The following ASGR2 variants were observed in gnomAD, a reference collection of about 807,000 sequenced individuals.
The protein encoded by ASGR2 is C-type lectin domain family 4 member H2.
A neutral mutation model predicts 32.3 loss-of-function variants in ASGR2; 34 were observed. That is an observed-to-expected ratio of 1.05 (90% CI 0.80 to 1.40). The LOEUF (loss-of-function observed/expected upper bound fraction) is 1.40, where lower values mean the gene tolerates loss of function less well. Among genes scored for constraint, ASGR2 ranks in the 40% most tolerant of loss-of-function variants. The pLI is 0.00. For synonymous variants in ASGR2, 143 were observed against 150.0 expected (o/e 0.95, Z 0.34); for missense variants, 385 against 386.4 (o/e 1.00, Z 0.03).
intron 2 of ASGR2, 119 bp from the exon 3 acceptor site, chr17:7,109,007 G>GC (rs1914274466): frequency 1.1e-6 from 1 of 932,838 alleles, no homozygotes; most frequent in Admixed American, 2.4e-5. Context: ...GGGCCATGGG[G>GC]GGGGGTCATC....
chr17:7,103,558 C>G (rs1002996170), intron 7 of ASGR2, among the ~76,000 whole-genome samples: 1 of 152,132 alleles, frequency 6.6e-6, no homozygotes, highest in African/African-American at 2.4e-5. Flanking sequence ...GAAGACAGTC[C>G]GGGAGAATTC....
chr17:7,101,498 C>T lies in ASGR2; in HGVS notation c.*77G>A. On this transcript the variant is annotated 3_prime_UTR_variant, in exon 9 of 9. Transcript: ENST00000691900. ...CCATACCCCTGTCTCAGTGTTTCTT[C>T]CTTTCCTCAAAATCCTCAACAGAGA... 2 of 1,549,894 alleles carry T rather than the reference C, an allele frequency of 1.3e-6. No individual in the cohort carries two copies. Among genetic ancestry groups the T allele is most frequent in the Non-Finnish European group, 1.7e-6 (2 of 1,144,996 alleles).
At position 7,108,391 on chromosome 17, in the gene ASGR2, T is replaced by C. The variant is rs1914139525; in HGVS notation, c.337+71A>G. The C allele has an allele frequency of 6.8e-7, 1 of 1,472,124 alleles. No individual in the cohort carries two copies. The highest frequency in any genetic ancestry group is 1.4e-5 in the African/African-American group (1 of 71,810). 91.2% of individuals were successfully genotyped at this position (1,472,124 alleles called of 1,614,324 possible). A position where few individuals can be genotyped will look rare whatever the true frequency, so the allele number is the denominator to read the frequency against. On this transcript the variant is annotated intron_variant, in intron 4 of 8. Transcript: ENST00000691900. The surrounding 1 kb of genome is among the most constrained non-coding windows in gnomAD (Gnocchi z 4.9). Reference sequence around the variant, plus strand: ...ACCCCCACGGCACCCCACACAGCCCTGTTGCAGACTCGGCACTGAGCCCAG... The same window carrying C: ...ACCCCCACGGCACCCCACACAGCCCCGTTGCAGACTCGGCACTGAGCCCAG...
intron 2 of ASGR2, among the ~76,000 whole-genome samples, chr17:7,109,703 C>A (rs1004462694): frequency 1.3e-5 from 2 of 152,092 alleles, no homozygotes; most frequent in African/African-American, 4.8e-5. Context: ...CACACTCACA[C>A]ACTCACACAT....
intron 7 of ASGR2, among the ~76,000 whole-genome samples, chr17:7,102,550 G>A (rs2151701649): frequency 6.6e-6 from 1 of 152,266 alleles, no homozygotes; most frequent in East Asian, 1.9e-4. Flanking sequence ...ACAGCCCTGG[G>A]CCGGTGTCCC....
At position 7,107,950 on chromosome 17, in the gene ASGR2, C is replaced by G. The variant is rs372891947; in HGVS notation, c.338-43G>C. The G allele has an allele frequency of 5.1e-5, 82 of 1,609,366 alleles. No individual in the cohort carries two copies. The African/African-American group carries it at 8.4e-4, about 17-fold the overall frequency. ...GCTGTTTCCCCGCTGAGCCTCCCTCCGTCCTCATGCTGCTGGGGGACCGGG... is the reference window on the plus strand; with the variant it reads ...GCTGTTTCCCCGCTGAGCCTCCCTCGGTCCTCATGCTGCTGGGGGACCGGG... On this transcript the variant is annotated intron_variant, in intron 4 of 8. Transcript: ENST00000691900. This position sits in a 1 kb window ranked among gnomAD's most constrained non-coding sequence, Gnocchi z 5.0.
At position 7,108,723 on chromosome 17, in the gene ASGR2, T is replaced by A. The variant is rs774014549; in HGVS notation, c.241+49A>T. 2 of 1,613,520 alleles carry A rather than the reference T, an allele frequency of 1.2e-6. No homozygotes were observed. Among genetic ancestry groups the A allele is most frequent in the Non-Finnish European group, 1.7e-6 (2 of 1,179,752 alleles). ...CGATCGCTGCCCGCCACTGCCCATG[T>A]CTCTTTCCCTACCCCTTGCCCATCC... is the stretch of plus-strand genomic sequence containing the variant. On this transcript the variant is annotated intron_variant, in intron 3 of 8. Coordinates refer to ENST00000691900, the MANE Select transcript of ASGR2 (RefSeq NM_001201352.2). The surrounding 1 kb of genome is among the most constrained non-coding windows in gnomAD (Gnocchi z 4.9).
Position 7,107,726 on chromosome 17 carries a change from C to CT in ASGR2, c.409+109_409+110insA. ...AGATACACATGCTTGCAGGCACACACACGCACGCACGCACACGTGCACACT... is the reference window on the plus strand; with the variant it reads ...AGATACACATGCTTGCAGGCACACACTACGCACGCACGCACACGTGCACACT... On this transcript the variant is annotated intron_variant, in intron 5 of 8. Transcript: ENST00000691900. The surrounding 1 kb of genome is among the most constrained non-coding windows in gnomAD (Gnocchi z 5.0). 1 of 1,250,304 alleles carries CT rather than the reference C, an allele frequency of 8.0e-7. No individual in the cohort carries two copies. Among genetic ancestry groups the CT allele is most frequent in the Non-Finnish European group, 1.1e-6 (1 of 875,358 alleles). The allele number at this position is 1,250,304 out of a possible 1,614,324, so 77.5% of individuals were successfully genotyped here. A position where few individuals can be genotyped will look rare whatever the true frequency, so the allele number is the denominator to read the frequency against.
chr17:7,101,354 C>A lies in ASGR2; in HGVS notation c.*221G>T. On this transcript the variant is annotated 3_prime_UTR_variant, in exon 9 of 9. Coordinates refer to ENST00000691900, the MANE Select transcript of ASGR2 (RefSeq NM_001201352.2). ...AAGCATTTGTTTCTTCTTTCCTACG[C>A]CATTGAAGAGGCTGACGATTATAAT... 1.8e-6 allele frequency: 1 copy of A among 548,638 alleles called. No individual in the cohort carries two copies. The highest frequency in any genetic ancestry group is 3.1e-6 in the Non-Finnish European group (1 of 318,296). 34.0% of individuals were successfully genotyped at this position (548,638 alleles called of 1,614,324 possible). A position where few individuals can be genotyped will look rare whatever the true frequency, so the allele number is the denominator to read the frequency against.
At chr17:7,111,496 A>AT (rs1914628332) in intron 2 of ASGR2, among the ~76,000 whole-genome samples, 1 of 151,918 alleles carries the variant, frequency 6.6e-6, no homozygotes, top group Admixed American at 6.6e-5. Context: ...CTCTACTAAA[A>AT]ATACAAAAAA....
Position 7,114,593 on chromosome 17 carries a change from T to G in ASGR2, c.-71+22A>C. On this transcript the variant is annotated intron_variant, in intron 1 of 8. Transcript: ENST00000691900. The surrounding 1 kb of genome is among the most constrained non-coding windows in gnomAD (Gnocchi z 4.5). The stretch of plus-strand genomic sequence containing the variant: ...TTGTTCCCAAGCATCCTCGTCCCAG[T>G]TGCCTCCCCAGCCTCAGTTACCTGT... 1 of 1,077,832 alleles carries G rather than the reference T, an allele frequency of 9.3e-7. No individual in the cohort carries two copies. The highest frequency in any genetic ancestry group is 1.1e-6 in the Non-Finnish European group (1 of 886,562). The allele number at this position is 1,077,832 out of a possible 1,614,324, so 66.8% of individuals were successfully genotyped here. A position where few individuals can be genotyped will look rare whatever the true frequency, so the allele number is the denominator to read the frequency against.
Position 7,108,615 on chromosome 17 carries a change from C to T in ASGR2, c.242-58G>A. 6.2e-7 allele frequency: 1 copy of T among 1,601,160 alleles called. No individual in the cohort carries two copies. Among genetic ancestry groups the T allele is most frequent in the South Asian group, 1.1e-5 (1 of 90,124 alleles). ...AGAGGGGCCGTGTCCCCATCACTGT[C>T]CATGTGACTGGCCCCTCAATGTCCC... On this transcript the variant is annotated intron_variant, in intron 3 of 8. Transcript: ENST00000691900. This position sits in a 1 kb window ranked among gnomAD's most constrained non-coding sequence, Gnocchi z 4.9.
chr17:7,110,955 C>G (rs1312632691), intron 2 of ASGR2, among the ~76,000 whole-genome samples: 1 of 152,202 alleles, frequency 6.6e-6, no homozygotes, highest in Non-Finnish European at 1.5e-5. Flanking sequence ...AGAGACTCCC[C>G]ACGTTGAGGA....
chr17:7,101,947 C>T (rs565081177), intron 8 of ASGR2, 143 bp downstream of exon 8: 3 of 1,075,884 alleles, frequency 2.8e-6, no homozygotes, highest in Middle Eastern at 2.4e-4. Context: ...CAGAAGAGCA[C>T]AGCTTTGGAG....
At chr17:7,111,450 A>C (rs558650221) in intron 2 of ASGR2, among the ~76,000 whole-genome samples, 1 of 151,964 alleles carries the variant, frequency 6.6e-6, no homozygotes, top group East Asian at 2.0e-4. Context: ...AGGTCAGGAG[A>C]TCGACACCAT....
At chr17:7,111,667 A>G (rs1914676338) in intron 2 of ASGR2, among the ~76,000 whole-genome samples, 1 of 150,822 alleles carries the variant, frequency 6.6e-6, no homozygotes, top group Non-Finnish European at 1.5e-5. Context: ...AAAAAAAAAA[A>G]AAAGAAAAGA....
chr17:7,110,751 C>T (rs538249595), intron 2 of ASGR2, among the ~76,000 whole-genome samples: 1 of 152,166 alleles, frequency 6.6e-6, no homozygotes, highest in African/African-American at 2.4e-5. Context: ...TCTTCTCTCC[C>T]CAGAAACAAT....
At chr17:7,110,050 C>T (rs1003199447) in intron 2 of ASGR2, among the ~76,000 whole-genome samples, 3 of 152,134 alleles carry the variant, frequency 2.0e-5, no homozygotes, top group Non-Finnish European at 2.9e-5. Context: ...CCCCCCGACC[C>T]AGCAGGACCA....
chr17:7,108,702 C>A lies in ASGR2; in HGVS notation c.241+70G>T, dbSNP rs1011412495. On this transcript the variant is annotated intron_variant, in intron 3 of 8. Coordinates refer to ENST00000691900, the MANE Select transcript of ASGR2 (RefSeq NM_001201352.2). This position sits in a 1 kb window ranked among gnomAD's most constrained non-coding sequence, Gnocchi z 4.9. Reference sequence around the variant, plus strand: ...TCCCTTCCCCTCCCATCGCCCCGATCGCTGCCCGCCACTGCCCATGTCTCT... The same window carrying A: ...TCCCTTCCCCTCCCATCGCCCCGATAGCTGCCCGCCACTGCCCATGTCTCT... 9 of 1,611,374 alleles carry A rather than the reference C, an allele frequency of 5.6e-6. No individual in the cohort carries two copies. The East Asian group carries it at 1.8e-4, about 32-fold the overall frequency.
Sources: allele counts gnomAD v4.1 joint callset (sites outside exome capture counted in the v4.1 genomes callset), GRCh38; gene constraint gnomAD v4.1.1; non-coding constraint Gnocchi (gnomAD v3.1); transcripts MANE v1.5; gene names NCBI Gene and HGNC (gene_info 2026-07-23, HGNC 2026-07-21).